NAALADL2: variants seen among roughly 807,000 people sequenced by gnomAD.
The protein encoded by NAALADL2 is inactive N-acetylated-alpha-linked acidic dipeptidase-like protein 2.
NAALADL2 carries 76 observed loss-of-function variants against 87.2 expected under a neutral mutation model. The observed-to-expected ratio is 0.87, with a 90% confidence interval of 0.72 to 1.05. NAALADL2 has a LOEUF of 1.05. Ranked by LOEUF, NAALADL2 falls within the 50% of genes least tolerant of loss-of-function variation. NAALADL2 has a pLI of 0.00. For synonymous variants in NAALADL2, 354 were observed against 331.0 expected (o/e 1.07, Z -0.75); for missense variants, 1,089 against 945.8 (o/e 1.15, Z -1.99).
In NAALADL2 at chr3:174,846,988, A is replaced by T. The variant is rs369574955; in HGVS notation, c.-9+109242A>T. ...TGGAAAGTTTAGGCGATAGAGTTCA[A>T]TGACAGTTAGGACACAGAATTTATC... On this transcript the variant is annotated intron_variant, in intron 3 of 3. Transcript: ENST00000434257. Among the ~76,000 whole-genome samples, 5 of 152,194 alleles carry T rather than the reference A, an allele frequency of 3.3e-5. No homozygotes were observed. In the South Asian group the frequency reaches 1.0e-3, roughly 32 times the overall value.
chr3:174,948,309 T>G (rs1485229873), intron 1 of NAALADL2, among the ~76,000 whole-genome samples: 3 of 152,090 alleles, frequency 2.0e-5, no homozygotes, highest in African/African-American at 2.4e-5. Flanking sequence ...CCCTAGTAGC[T>G]GGGACTATAG....
At chr3:175,711,718 T>C (rs2150002751) in intron 11 of NAALADL2, among the ~76,000 whole-genome samples, 1 of 152,088 alleles carries the variant, frequency 6.6e-6, no homozygotes, top group Admixed American at 6.6e-5. Context: ...GAGATTATTC[T>C]TGTTGCTGTT....
intron 1 of NAALADL2, among the ~76,000 whole-genome samples, chr3:175,047,257 A>G (rs1299641020): frequency 6.6e-6 from 1 of 152,200 alleles, no homozygotes; most frequent in Non-Finnish European, 1.5e-5. Context: ...GATTCCCCCC[A>G]AAGTTAACAT....
At chr3:174,480,065 T>C (rs1515579) in intron 1 of NAALADL2, among the ~76,000 whole-genome samples, 23,628 of 152,054 alleles carry the variant, frequency 0.16, 3,163 homozygotes, top group East Asian at 0.47. Flanking sequence ...TGAGTCTAAA[T>C]AGAAATAAAG....
chr3:174,693,637 A>T (rs1234107224), intron 2 of NAALADL2, among the ~76,000 whole-genome samples: 1 of 152,174 alleles, frequency 6.6e-6, no homozygotes, highest in Non-Finnish European at 1.5e-5. Flanking sequence ...TAGCGAGTGG[A>T]ATTGAAGAAG....
At chr3:175,278,463 A>G (rs1368837039) in intron 4 of NAALADL2, among the ~76,000 whole-genome samples, 1 of 152,218 alleles carries the variant, frequency 6.6e-6, no homozygotes, top group African/African-American at 2.4e-5. Context: ...CAAAAGAACA[A>G]GAGGAATCTT....
chr3:175,527,622 C>A (rs1733592070), intron 9 of NAALADL2, among the ~76,000 whole-genome samples: 1 of 152,118 alleles, frequency 6.6e-6, no homozygotes, highest in South Asian at 2.1e-4. Flanking sequence ...ATCCCCCTCA[C>A]AATATGTGAT....
At chr3:174,753,250 A>G (rs989838867) in intron 3 of NAALADL2, among the ~76,000 whole-genome samples, 2 of 151,750 alleles carry the variant, frequency 1.3e-5, no homozygotes, top group African/African-American at 4.8e-5. Context: ...ATTTTTTTGT[A>G]TTTTTATTAG....
At chr3:175,023,423 T>C (rs967192307) in intron 1 of NAALADL2, among the ~76,000 whole-genome samples, 20 of 152,114 alleles carry the variant, frequency 1.3e-4, no homozygotes, top group African/African-American at 4.8e-4. Context: ...AATGTGTCTG[T>C]CATAAAGTTT....
intron 4 of NAALADL2, among the ~76,000 whole-genome samples, chr3:175,274,908 C>A (rs893454173): frequency 6.6e-6 from 1 of 152,020 alleles, no homozygotes; most frequent in Non-Finnish European, 1.5e-5. Flanking sequence ...CACAAAAAGG[C>A]GTTATTCCCT....
At chr3:174,977,325 A>G (rs1354376163) in intron 1 of NAALADL2, among the ~76,000 whole-genome samples, 1 of 152,134 alleles carries the variant, frequency 6.6e-6, no homozygotes, top group Non-Finnish European at 1.5e-5. Context: ...GGGTTGTGCC[A>G]TGTTGGCCAG....
At chr3:175,027,951 A>AT (rs1348508526) in intron 1 of NAALADL2, among the ~76,000 whole-genome samples, 1 of 151,912 alleles carries the variant, frequency 6.6e-6, no homozygotes, top group African/African-American at 2.4e-5. Flanking sequence ...ACCTAAAGCT[A>AT]TATCTGGAAT....
intron 1 of NAALADL2, among the ~76,000 whole-genome samples, chr3:174,932,881 G>T (rs778337684): frequency 2.0e-5 from 3 of 152,192 alleles, no homozygotes; most frequent in Admixed American, 2.0e-4. Flanking sequence ...ACTTTGGGAG[G>T]CTGAGGCGGA....
intron 2 of NAALADL2, among the ~76,000 whole-genome samples, chr3:175,168,039 A>AC (rs1421234772): frequency 2.2e-5 from 3 of 138,162 alleles, no homozygotes; most frequent in Non-Finnish European, 5.0e-5. Flanking sequence ...AGCCACTATT[A>AC]CAATTTTTTT....
At chr3:174,719,447 A>G (rs942025774) in intron 2 of NAALADL2, among the ~76,000 whole-genome samples, 1 of 152,204 alleles carries the variant, frequency 6.6e-6, no homozygotes, top group Non-Finnish European at 1.5e-5. Context: ...TATAACTTTA[A>G]TGCCTATGTG....
chr3:175,330,173 G>T (rs896022025), intron 5 of NAALADL2, among the ~76,000 whole-genome samples: 1 of 152,040 alleles, frequency 6.6e-6, no homozygotes, highest in Admixed American at 6.6e-5. Context: ...TAAAAAAAAA[G>T]ATTTACTAAT....
At chr3:174,594,752 G>T (rs1458957353) in intron 2 of NAALADL2, among the ~76,000 whole-genome samples, 4 of 152,142 alleles carry the variant, frequency 2.6e-5, no homozygotes, top group Non-Finnish European at 5.9e-5. Flanking sequence ...GTGGGGCATA[G>T]AAATATATGT....
chr3:175,601,112 G>A (rs201861748), intron 10 of NAALADL2, among the ~76,000 whole-genome samples: 5 of 152,010 alleles, frequency 3.3e-5, no homozygotes, highest in African/African-American at 7.2e-5. Flanking sequence ...ATGAAAGATA[G>A]CATTTTTATT....
At chr3:175,421,840 T>C (rs917950082) in intron 5 of NAALADL2, among the ~76,000 whole-genome samples, 3 of 152,024 alleles carry the variant, frequency 2.0e-5, no homozygotes, top group East Asian at 1.9e-4. Context: ...ATAGAGAAGA[T>C]AACATTAAGA....
Sources: allele counts gnomAD v4.1 joint callset (sites outside exome capture counted in the v4.1 genomes callset), GRCh38; gene constraint gnomAD v4.1.1; transcripts MANE v1.5; gene names NCBI Gene and HGNC (gene_info 2026-07-23, HGNC 2026-07-21).